Variants in PLAC1 observed in about 807,000 individuals in gnomAD.
The protein encoded by PLAC1 is placenta-specific protein 1.
For missense variants in PLAC1, 136 were observed against 163.2 expected (o/e 0.83, Z 0.91); for synonymous variants, 68 against 62.1 (o/e 1.09, Z -0.44).
intron 2 of PLAC1, among the ~76,000 whole-genome samples, chrX:134,585,219 G>A (rs371515714): frequency 1.7e-4 from 17 of 101,111 alleles, no homozygotes; most frequent in Middle Eastern, 5.0e-3. Context: ...GGTGGCACGC[G>A]CCTGTAGCCC....
intron 1 of PLAC1, among the ~76,000 whole-genome samples, chrX:134,641,207 C>G (rs747854122): frequency 9.0e-6 from 1 of 111,144 alleles, no homozygotes; most frequent in South Asian, 3.8e-4. Context: ...GAGCTATGAT[C>G]ACACCACTGT....
rs757637189 is a variant in PLAC1 at position 134,630,998 on chromosome X, G to A, written c.-131+27330C>T. 2.7e-5 allele frequency among the ~76,000 whole-genome samples: 3 copies of A among 111,541 alleles called. No homozygotes were observed. In the East Asian group the frequency reaches 8.5e-4, roughly 32 times the overall value. On this transcript the variant is annotated intron_variant, in intron 1 of 2. Coordinates refer to ENST00000359237, the MANE Select transcript of PLAC1 (RefSeq NM_021796.4). ...CTGTATGATTCCGTTTGTATGAAACGTCCAGAATAGGCAAATCCACAGAGA... is the reference window on the plus strand; with the variant it reads ...CTGTATGATTCCGTTTGTATGAAACATCCAGAATAGGCAAATCCACAGAGA...
intron 2 of PLAC1, among the ~76,000 whole-genome samples, chrX:134,699,427 C>A (rs977178985): frequency 9.0e-6 from 1 of 111,675 alleles, no homozygotes; most frequent in Admixed American, 9.5e-5. Flanking sequence ...ACCAAGCCTG[C>A]CAGTGCCTTG....
chrX:134,701,421 A>G (rs1297931377), intron 2 of PLAC1, among the ~76,000 whole-genome samples: 1 of 111,737 alleles, frequency 8.9e-6, no homozygotes, highest in Non-Finnish European at 1.9e-5. Context: ...TGCAACAAAA[A>G]CAGAAATTGA....
intron 2 of PLAC1, among the ~76,000 whole-genome samples, chrX:134,592,001 T>C (rs779815425): frequency 8.9e-6 from 1 of 112,439 alleles, no homozygotes; most frequent in Non-Finnish European, 1.9e-5. Context: ...TTTGTTTTAC[T>C]GTTGAGTTTT....
intron 1 of PLAC1, among the ~76,000 whole-genome samples, chrX:134,758,075 T>C (rs1352935535): frequency 2.7e-5 from 3 of 110,464 alleles, no homozygotes; most frequent in African/African-American, 9.9e-5. Context: ...ATAAAATATG[T>C]AGGAATAACT....
At chrX:134,763,280 G>A (rs1449563258) in intron 1 of PLAC1, among the ~76,000 whole-genome samples, 2 of 111,949 alleles carry the variant, frequency 1.8e-5, no homozygotes. Context: ...AGGGGAACTA[G>A]ACTAAAAATT....
chrX:134,636,575 G>A (rs974463279), intron 1 of PLAC1, among the ~76,000 whole-genome samples: 4 of 112,210 alleles, frequency 3.6e-5, no homozygotes, highest in African/African-American at 9.7e-5. Context: ...CATTTCGGAG[G>A]AGGGATGGGA....
intron 2 of PLAC1, among the ~76,000 whole-genome samples, chrX:134,593,233 A>G (rs905213244): frequency 8.9e-6 from 1 of 112,052 alleles, no homozygotes; most frequent in African/African-American, 3.2e-5. Context: ...CCATATTTAT[A>G]TGGGACTATT....
chrX:134,659,381 G>A (rs990632164), upstream of PLAC1, among the ~76,000 whole-genome samples: 7 of 111,435 alleles, frequency 6.3e-5, no homozygotes, highest in African/African-American at 2.3e-4. Flanking sequence ...TGAAGAGGGA[G>A]CTCAAAGCCA....
At chrX:134,704,610 TTAAAG>T (rs1377874341) in intron 2 of PLAC1, among the ~76,000 whole-genome samples, 12 of 105,642 alleles carry the variant, frequency 1.1e-4, no homozygotes, top group Non-Finnish European at 2.3e-4. Context: ...TACAAACATA[TTAAAG>T]TATTCTACTT....
chrX:134,719,001 C>A (rs978818683), intron 2 of PLAC1, among the ~76,000 whole-genome samples: 1 of 111,733 alleles, frequency 8.9e-6, no homozygotes, highest in Non-Finnish European at 1.9e-5. Context: ...TCACCCAAAC[C>A]CTTTTCACCT....
At chrX:134,759,444 C>T (rs1332691881) in intron 1 of PLAC1, among the ~76,000 whole-genome samples, 2 of 111,806 alleles carry the variant, frequency 1.8e-5, no homozygotes, top group East Asian at 2.8e-4. Context: ...CCACCAAGCC[C>T]GGCCAGGAAC....
chrX:134,570,377 T>C (rs2077902307), intron 2 of PLAC1, among the ~76,000 whole-genome samples: 3 of 111,291 alleles, frequency 2.7e-5, no homozygotes, highest in Admixed American at 1.9e-4. Context: ...ATGCGGGCCA[T>C]GCACAGTATC....
intron 1 of PLAC1, among the ~76,000 whole-genome samples, chrX:134,616,657 CAA>C (rs1306588112): frequency 9.1e-6 from 1 of 109,352 alleles, no homozygotes; most frequent in African/African-American, 3.3e-5. Flanking sequence ...AACAAAACAA[CAA>C]AAAAAAATTG....
At chrX:134,585,012 C>A (rs1221936703) in intron 2 of PLAC1, among the ~76,000 whole-genome samples, 1 of 110,296 alleles carries the variant, frequency 9.1e-6, no homozygotes, top group African/African-American at 3.3e-5. Flanking sequence ...AAGGATTCCA[C>A]CTTTCATGAT....
At chrX:134,655,001 CCTAT>C (rs1387524318) in intron 1 of PLAC1, among the ~76,000 whole-genome samples, 1 of 111,529 alleles carries the variant, frequency 9.0e-6, no homozygotes, top group Non-Finnish European at 1.9e-5. Context: ...ATAGCATGAA[CCTAT>C]CTATTTATTA....
intron 1 of PLAC1, among the ~76,000 whole-genome samples, chrX:134,645,485 G>T (rs771845624): frequency 3.6e-5 from 4 of 111,425 alleles, no homozygotes; most frequent in Non-Finnish European, 7.5e-5. Flanking sequence ...TGACTTTCTG[G>T]GATGTCTCCC....
At chrX:134,652,393 T>C (rs1025039957) in intron 1 of PLAC1, among the ~76,000 whole-genome samples, 2 of 111,815 alleles carry the variant, frequency 1.8e-5, no homozygotes, top group African/African-American at 6.5e-5. Flanking sequence ...CCTAGTGAAG[T>C]TTGTTATTTC....
Sources: allele counts gnomAD v4.1 joint callset (sites outside exome capture counted in the v4.1 genomes callset), GRCh38; gene constraint gnomAD v4.1.1; transcripts MANE v1.5; gene names NCBI Gene and HGNC (gene_info 2026-07-23, HGNC 2026-07-21).